The following RPS6KA2 variants were observed in gnomAD, a reference collection of about 807,000 sequenced individuals.
RPS6KA2 encodes ribosomal protein S6 kinase alpha-2.
RPS6KA2 carries 42 observed loss-of-function variants against 91.8 expected under a neutral mutation model. That is an observed-to-expected ratio of 0.46 (90% CI 0.36 to 0.59). RPS6KA2 has a LOEUF of 0.59. Among genes scored for constraint, RPS6KA2 ranks in the 20% least tolerant of loss-of-function variants. The pLI is 0.00. For synonymous variants in RPS6KA2, 414 were observed against 393.6 expected (o/e 1.05, Z -0.61); for missense variants, 798 against 978.5 (o/e 0.82, Z 2.46).
chr6:166,455,901 C>G (rs562837589), intron 12 of RPS6KA2, among the ~76,000 whole-genome samples: 1 of 152,308 alleles, frequency 6.6e-6, no homozygotes, highest in African/African-American at 2.4e-5. Flanking sequence ...GATGTCTTCC[C>G]TTAGGGATTT....
At chr6:166,505,665 C>T (rs920419181) in intron 5 of RPS6KA2, among the ~76,000 whole-genome samples, 4 of 152,216 alleles carry the variant, frequency 2.6e-5, no homozygotes, top group African/African-American at 4.8e-5. Flanking sequence ...GCCGGGCACC[C>T]GCTTCACACA....
At chr6:166,583,855 T>C (rs1785093619) in intron 1 of RPS6KA2, among the ~76,000 whole-genome samples, 1 of 152,170 alleles carries the variant, frequency 6.6e-6, no homozygotes, top group East Asian at 1.9e-4. Context: ...CTTCCATGGG[T>C]TCTATCTAAT....
intron 1 of RPS6KA2, among the ~76,000 whole-genome samples, chr6:166,614,400 C>T (rs1786321278): frequency 6.6e-6 from 1 of 152,188 alleles, no homozygotes; most frequent in Admixed American, 6.5e-5. Flanking sequence ...TGCTGCCCGG[C>T]CCGCTTCCTA....
rs1473143552 is a variant in RPS6KA2 at position 166,423,799 on chromosome 6, C to T, written c.1582-382G>A. The T allele has an allele frequency of 5.7e-6, 1 of 174,026 alleles. No homozygotes were observed. The highest frequency in any genetic ancestry group is 1.2e-5 in the Non-Finnish European group (1 of 81,810). 10.8% of individuals were successfully genotyped at this position (174,026 alleles called of 1,614,324 possible). ...AGATGATATTCATTCAATAACTACT[C>T]CCTGTGTGCCCACCCCCATGCACTG... On this transcript the variant is annotated intron_variant, in intron 16 of 20. Transcript: ENST00000265678. The surrounding 1 kb of genome is among the most constrained non-coding windows in gnomAD (Gnocchi z 4.8).
intron 2 of RPS6KA2, among the ~76,000 whole-genome samples, chr6:166,687,203 C>T (rs796877205): frequency 2.6e-5 from 4 of 152,310 alleles, no homozygotes; most frequent in African/African-American, 9.6e-5. Flanking sequence ...GGGCAGAGTT[C>T]CTCCTGCGTG....
intron 2 of RPS6KA2, among the ~76,000 whole-genome samples, chr6:166,659,247 A>C (rs541748589): frequency 6.6e-6 from 1 of 152,246 alleles, no homozygotes; most frequent in East Asian, 1.9e-4. Context: ...ATTAAAAACC[A>C]AAATTAAAAC....
chr6:166,475,507 C>T (rs891612409), intron 10 of RPS6KA2, among the ~76,000 whole-genome samples: 1 of 152,210 alleles, frequency 6.6e-6, no homozygotes, highest in Non-Finnish European at 1.5e-5. Context: ...CACACCCCGT[C>T]CAGCATCTGG....
chr6:166,511,872 T>C (rs575588040), intron 3 of RPS6KA2, among the ~76,000 whole-genome samples: 1 of 152,284 alleles, frequency 6.6e-6, no homozygotes, highest in South Asian at 2.1e-4. Context: ...GTGCAGTCAC[T>C]GAGGAAAATA....
chr6:166,688,138 G>A (rs562805801), intron 2 of RPS6KA2, among the ~76,000 whole-genome samples: 2 of 152,264 alleles, frequency 1.3e-5, no homozygotes, highest in South Asian at 2.1e-4. Context: ...AGGCCCTGAC[G>A]GGTCTCTGGA....
chr6:166,579,049 A>G (rs1453423022), intron 1 of RPS6KA2, among the ~76,000 whole-genome samples: 1 of 152,190 alleles, frequency 6.6e-6, no homozygotes, highest in Non-Finnish European at 1.5e-5. Flanking sequence ...AGCAGCATGG[A>G]AAACGGAGGA....
chr6:166,833,214 A>G (rs1414028297), intron 2 of RPS6KA2, among the ~76,000 whole-genome samples: 1 of 152,244 alleles, frequency 6.6e-6, no homozygotes, highest in African/African-American at 2.4e-5. Flanking sequence ...CAGCCAGGTG[A>G]TCTGATGGAA....
intron 17 of RPS6KA2, among the ~76,000 whole-genome samples, chr6:166,422,527 A>G (rs1222371385): frequency 1.3e-5 from 2 of 152,096 alleles, no homozygotes; most frequent in Non-Finnish European, 2.9e-5. Flanking sequence ...CCCCTGTCCC[A>G]TTGGCAACAT....
intron 2 of RPS6KA2, among the ~76,000 whole-genome samples, chr6:166,723,817 AG>A (rs1790257887): frequency 6.7e-6 from 1 of 149,384 alleles, no homozygotes; most frequent in African/African-American, 2.5e-5. Context: ...CTCCTGCCTC[AG>A]CCTCCTGAGT....
chr6:166,701,798 A>G (rs1583032537), intron 2 of RPS6KA2: 3 of 955,694 alleles, frequency 3.1e-6, no homozygotes, highest in East Asian at 5.1e-5. Flanking sequence ...GATTTTCTTC[A>G]TGATCTCTTC....
At chr6:166,826,901 A>C (rs976051848) in intron 2 of RPS6KA2, among the ~76,000 whole-genome samples, 1 of 152,202 alleles carries the variant, frequency 6.6e-6, no homozygotes, top group African/African-American at 2.4e-5. Context: ...GATGCTATGA[A>C]TTATATAACT....
At chr6:166,786,975 A>G (rs1169599891) in intron 2 of RPS6KA2, among the ~76,000 whole-genome samples, 1 of 152,192 alleles carries the variant, frequency 6.6e-6, no homozygotes, top group Non-Finnish European at 1.5e-5. Flanking sequence ...GGCCTTCCCA[A>G]CCAGGAATTC....
chr6:166,695,307 A>G (rs148155073), intron 2 of RPS6KA2, among the ~76,000 whole-genome samples: 40 of 152,318 alleles, frequency 2.6e-4, no homozygotes, highest in African/African-American at 8.7e-4. Context: ...ATGGCAAAAC[A>G]AACACAACAC....
chr6:166,627,355 C>A, upstream of RPS6KA2: 2 of 390,816 alleles, frequency 5.1e-6, no homozygotes, highest in Non-Finnish European at 7.0e-6. Context: ...TCCTCCTCCG[C>A]CCCGCCCCGC....
chr6:166,472,163 C>T (rs1007546758), intron 10 of RPS6KA2, among the ~76,000 whole-genome samples: 1 of 152,238 alleles, frequency 6.6e-6, no homozygotes, highest in African/African-American at 2.4e-5. Context: ...TGGCCAGAGG[C>T]ACTCTCAAAA....
Sources: gnomAD v4.1 joint callset for allele counts (sites outside exome capture counted in the v4.1 genomes callset) on GRCh38, gnomAD v4.1.1 for gene constraint, Gnocchi (gnomAD v3.1) non-coding constraint, MANE v1.5 for transcripts, NCBI Gene and HGNC (gene_info 2026-07-23, HGNC 2026-07-21) for gene names.